Variants in AGBL4 observed in about 807,000 individuals in gnomAD.
The protein encoded by AGBL4 is AGBL carboxypeptidase 4, also known as cytosolic carboxypeptidase 6.
A neutral mutation model predicts 66.4 loss-of-function variants in AGBL4; 58 were observed. The observed-to-expected ratio is 0.87, with a 90% confidence interval of 0.71 to 1.09. AGBL4 has a LOEUF of 1.09. Among genes scored for constraint, AGBL4 ranks in the 50% least tolerant of loss-of-function variants. AGBL4 has a pLI of 0.00. For missense variants in AGBL4, 579 were observed against 631.0 expected, an observed-to-expected ratio of 0.92 and a Z score of 0.88; for synonymous variants, 234 against 222.9, an observed-to-expected ratio of 1.05 and a Z score of -0.44.
Position 49,851,398 on chromosome 1 carries a change from C to T in AGBL4, c.155G>A (p.Ser52Asn). ...GGAAAAGCCTTTAATATACTTACCA[C>T]TTTCAAAGCAAGCATCAAAGATAAG... ...GHLIFDACFESGNLGRVDQVS... is the reference protein window; with the variant it reads ...GHLIFDACFENGNLGRVDQVS... Residue 52 changes from serine (S) to asparagine (N), a missense_variant and splice_region_variant, in exon 2 of 14, where the codon AGT (serine) becomes AAT (asparagine). By Grantham distance (46) the Ser-to-Asn change is conservative (BLOSUM62 1). Coordinates refer to ENST00000371839, the MANE Select transcript of AGBL4 (RefSeq NM_032785.4). 1 of 1,547,864 alleles carries T rather than the reference C, an allele frequency of 6.5e-7. No homozygotes were observed. The highest frequency in any genetic ancestry group is 8.7e-7 in the Non-Finnish European group (1 of 1,145,252).
rs1025660506 is a variant in AGBL4, at chr1:49,672,477, A to G, written c.282+24836T>C. Among the ~76,000 whole-genome samples the G allele has an allele frequency of 2.0e-5, 3 of 152,080 alleles. No individual in the cohort carries two copies. In the East Asian group the frequency reaches 5.8e-4, roughly 29 times the overall value. On this transcript the variant is annotated intron_variant, in intron 3 of 13. Transcript: ENST00000371839. ...ATTTATGTAATAAACCTTCACATATACCTCCAAACCTAAAACAAAAATTAA... is the reference window on the plus strand; with the variant it reads ...ATTTATGTAATAAACCTTCACATATGCCTCCAAACCTAAAACAAAAATTAA...
chr1:49,803,005 TAAGTTAAATTTCATTATATTTAATGTATG>T (rs1256381220), intron 2 of AGBL4, among the ~76,000 whole-genome samples: 1 of 151,840 alleles, frequency 6.6e-6, no homozygotes. Flanking sequence ...AGAACCTTCA[TAAGTTAAATTTCATTATATTTAATGTATG>T]AAGTTAAATA....
rs563995720 is a variant in AGBL4, at chr1:49,203,494, G to A, written c.377+42276C>T. Among the ~76,000 whole-genome samples the A allele has an allele frequency of 4.6e-5, 7 of 152,298 alleles. No individual in the cohort carries two copies. The Middle Eastern group carries it at 0.01, about 222-fold the overall frequency. ...AGTGTGGATGAAGTTTGAGGACATG[G>A]TAAGTGAAGCCAACCACAAAAAGAC... On this transcript the variant is annotated intron_variant, in intron 4 of 13. Transcript: ENST00000371839.
intron 4 of AGBL4, among the ~76,000 whole-genome samples, chr1:49,134,241 G>A (rs1023448293): frequency 6.6e-6 from 1 of 152,100 alleles, no homozygotes; most frequent in South Asian, 2.1e-4. Flanking sequence ...GCGAGACCAC[G>A]AGGTCAGGGT....
chr1:49,791,537 T>A (rs1212754569), intron 2 of AGBL4, among the ~76,000 whole-genome samples: 1 of 152,092 alleles, frequency 6.6e-6, no homozygotes, highest in Non-Finnish European at 1.5e-5. Context: ...AACCCTTTAC[T>A]ATGGTCTATG....
intron 3 of AGBL4, among the ~76,000 whole-genome samples, chr1:49,636,952 C>T (rs1455131674): frequency 6.6e-6 from 1 of 152,170 alleles, no homozygotes; most frequent in Non-Finnish European, 1.5e-5. Flanking sequence ...GGCAGACCCA[C>T]CCGTAATCTG....
intron 3 of AGBL4, among the ~76,000 whole-genome samples, chr1:49,415,639 T>C (rs1310176810): frequency 6.6e-6 from 1 of 152,148 alleles, no homozygotes; most frequent in Admixed American, 6.5e-5. Flanking sequence ...AACTTTATCC[T>C]TAAAGCAAAG....
intron 3 of AGBL4, among the ~76,000 whole-genome samples, chr1:49,377,248 A>T (rs915772426): frequency 6.6e-6 from 1 of 152,118 alleles, no homozygotes; most frequent in Non-Finnish European, 1.5e-5. Flanking sequence ...GACTAGAAAA[A>T]TCAGGACAGT....
At chr1:49,786,642 A>G (rs927229371) in intron 2 of AGBL4, among the ~76,000 whole-genome samples, 1 of 152,180 alleles carries the variant, frequency 6.6e-6, no homozygotes, top group African/African-American at 2.4e-5. Flanking sequence ...CCTGAATTGT[A>G]TCTTTACCTA....
At chr1:49,264,133 G>T (rs183524042) in intron 3 of AGBL4, among the ~76,000 whole-genome samples, 110 of 152,172 alleles carry the variant, frequency 7.2e-4, no homozygotes, top group Admixed American at 1.3e-3. Flanking sequence ...GGTAACTTCT[G>T]ATAGAAAGAA....
chr1:49,467,640 C>T (rs764839459), intron 3 of AGBL4, among the ~76,000 whole-genome samples: 7 of 151,834 alleles, frequency 4.6e-5, no homozygotes, highest in Non-Finnish European at 7.4e-5. Context: ...AAGTACATTA[C>T]ATTTTTAGTT....
intron 3 of AGBL4, among the ~76,000 whole-genome samples, chr1:49,635,758 G>A (rs1645658888): frequency 6.6e-6 from 1 of 152,096 alleles, no homozygotes; most frequent in Non-Finnish European, 1.5e-5. Context: ...TTGGAGGAAG[G>A]GAGAGAACTC....
chr1:48,976,609 C>T (rs186671303), intron 5 of AGBL4, among the ~76,000 whole-genome samples: 19 of 152,236 alleles, frequency 1.2e-4, no homozygotes, highest in African/African-American at 4.1e-4. Flanking sequence ...GACAAACATA[C>T]TCATTTTGCT....
At chr1:48,905,530 T>C (rs955121254) in intron 5 of AGBL4, among the ~76,000 whole-genome samples, 4 of 152,242 alleles carry the variant, frequency 2.6e-5, no homozygotes, top group Non-Finnish European at 5.9e-5. Flanking sequence ...AAGAGAAGTT[T>C]AACAGCTCTC....
intron 11 of AGBL4, among the ~76,000 whole-genome samples, chr1:48,548,268 G>T (rs917224164): frequency 6.6e-6 from 1 of 151,954 alleles, no homozygotes; most frequent in Non-Finnish European, 1.5e-5. Context: ...TAAGTAGAGT[G>T]CTCAGAGAGG....
chr1:48,947,900 T>G (rs1656655056), intron 5 of AGBL4, among the ~76,000 whole-genome samples: 1 of 150,998 alleles, frequency 6.6e-6, no homozygotes, highest in Non-Finnish European at 1.5e-5. Context: ...TTTGTTTTGT[T>G]TTTTTTTTTG....
chr1:48,694,818 C>T (rs191877328), intron 6 of AGBL4, among the ~76,000 whole-genome samples: 19 of 151,960 alleles, frequency 1.3e-4, no homozygotes, highest in Middle Eastern at 3.4e-3. Flanking sequence ...TGCCCGACCC[C>T]CAATAACCCC....
chr1:49,779,067 A>T (rs1644271032), intron 2 of AGBL4, among the ~76,000 whole-genome samples: 1 of 152,226 alleles, frequency 6.6e-6, no homozygotes, highest in African/African-American at 2.4e-5. Flanking sequence ...ACAGAAAATT[A>T]TATCAATAGA....
At chr1:49,880,640 G>A (rs1647207088) in intron 1 of AGBL4, among the ~76,000 whole-genome samples, 1 of 152,164 alleles carries the variant, frequency 6.6e-6, no homozygotes, top group South Asian at 2.1e-4. Context: ...CCCCAGAGGT[G>A]GAGCCTACAG....
Sources: gnomAD v4.1 joint callset for allele counts (sites outside exome capture counted in the v4.1 genomes callset) on GRCh38, gnomAD v4.1.1 for gene constraint, MANE v1.5 for transcripts, NCBI Gene and HGNC (gene_info 2026-07-23, HGNC 2026-07-21) for gene names.